The following CPNE4 variants were observed in gnomAD, a reference collection of about 807,000 sequenced individuals.
CPNE4 encodes the protein copine-4.
In CPNE4, 25 loss-of-function variants were observed where a neutral mutation model predicts 67.9. The observed-to-expected ratio is 0.37, with a 90% CI of 0.27 to 0.51. The LOEUF (loss-of-function observed/expected upper bound fraction) is 0.51. Ranked by LOEUF, CPNE4 falls within the 20% of genes least tolerant of loss-of-function variation. The probability of loss-of-function intolerance (pLI) is 0.93; values close to 1 mark genes in which losing one functional copy is unlikely to be tolerated. For synonymous variants in CPNE4, 242 were observed against 244.9 expected, an observed-to-expected ratio of 0.99 and a Z score of 0.11; for missense variants, 464 against 690.8, an observed-to-expected ratio of 0.67 and a Z score of 3.68.
At chr3:131,918,476 T>C (rs1251638544) in intron 1 of CPNE4, among the ~76,000 whole-genome samples, 3 of 152,132 alleles carry the variant, frequency 2.0e-5, no homozygotes, top group African/African-American at 7.2e-5. Context: ...CAAACAAATA[T>C]TTAGAAAAGA....
rs77645273 is a variant in CPNE4, at chr3:131,944,625, GA to G, written c.-1-39182del. ...CTCTCCCTACAGATGACTGCAAAAA[GA>G]AAAAAAAAGAGTCATTTCCAGTTTT... On this transcript the variant is annotated intron_variant, in intron 1 of 15. Transcript: ENST00000429747. Among the ~76,000 whole-genome samples the G allele has an allele frequency of 3.3e-5, 5 of 149,968 alleles. 1 individual carries two copies. In the South Asian group the frequency reaches 6.3e-4, roughly 19 times the overall value.
intron 2 of CPNE4, among the ~76,000 whole-genome samples, chr3:131,856,103 G>A (rs1209970429): frequency 6.6e-6 from 1 of 151,822 alleles, no homozygotes; most frequent in Non-Finnish European, 1.5e-5. Context: ...AGGAACTTCT[G>A]ATAATACAAT....
chr3:131,921,520 T>C (rs1242846770), intron 1 of CPNE4, among the ~76,000 whole-genome samples: 2 of 152,330 alleles, frequency 1.3e-5, no homozygotes, highest in East Asian at 3.9e-4. Context: ...AAATATTTAT[T>C]CAAGGAAGGA....
At chr3:131,754,148 A>AT (rs916965794) in intron 2 of CPNE4, among the ~76,000 whole-genome samples, 19 of 151,980 alleles carry the variant, frequency 1.3e-4, no homozygotes, top group Admixed American at 1.3e-4. Flanking sequence ...TTCATAAGGT[A>AT]TTTTTTTTAT....
chr3:131,774,166 T>A (rs1226369270), intron 2 of CPNE4, among the ~76,000 whole-genome samples: 1 of 152,138 alleles, frequency 6.6e-6, no homozygotes, highest in Non-Finnish European at 1.5e-5. Context: ...AGGGTCCTCA[T>A]AGAAGCTGGG....
At chr3:131,979,254 G>T (rs1462584620) in intron 1 of CPNE4, among the ~76,000 whole-genome samples, 1 of 152,056 alleles carries the variant, frequency 6.6e-6, no homozygotes, top group Non-Finnish European at 1.5e-5. Context: ...ACTTTGTCTT[G>T]ATGACATGTC....
rs2074273443 is a variant in CPNE4 at position 132,033,204 on chromosome 3, A to G, written c.-2+1363T>C. On this transcript the variant is annotated intron_variant, in intron 1 of 15. Transcript: ENST00000429747. Reference sequence around the variant, plus strand: ...AAGATAACATATTAAAGTATCTTGGACAGCTCAAAAGTGCTGTTCAGGAAA... The same window carrying G: ...AAGATAACATATTAAAGTATCTTGGGCAGCTCAAAAGTGCTGTTCAGGAAA... 2.6e-5 allele frequency among the ~76,000 whole-genome samples: 4 copies of G among 152,360 alleles called. No individual in the cohort carries two copies. The South Asian group carries it at 8.3e-4, about 32-fold the overall frequency.
intron 2 of CPNE4, among the ~76,000 whole-genome samples, chr3:131,779,223 A>T (rs1049904813): frequency 1.3e-5 from 2 of 152,168 alleles, no homozygotes; most frequent in African/African-American, 4.8e-5. Context: ...ACATTCATGG[A>T]TAGGAAGAAT....
chr3:131,892,660 T>C (rs1402759006), intron 2 of CPNE4, among the ~76,000 whole-genome samples: 1 of 152,116 alleles, frequency 6.6e-6, no homozygotes, highest in Non-Finnish European at 1.5e-5. Context: ...AATGGATTTT[T>C]TTAAAGGTAA....
At chr3:131,547,126 G>A (rs558799147) in intron 14 of CPNE4, among the ~76,000 whole-genome samples, 4 of 152,134 alleles carry the variant, frequency 2.6e-5, no homozygotes, top group South Asian at 2.1e-4. Context: ...CAGGGCCCAC[G>A]CACTGGTGGA....
chr3:131,566,450 G>C (rs924993345), intron 10 of CPNE4, among the ~76,000 whole-genome samples: 2 of 150,768 alleles, frequency 1.3e-5, no homozygotes, highest in African/African-American at 4.9e-5. Context: ...AAAAAAGTAA[G>C]ACCATAGGTG....
intron 2 of CPNE4, among the ~76,000 whole-genome samples, chr3:131,728,925 T>C (rs973584206): frequency 4.0e-5 from 5 of 124,900 alleles, no homozygotes; most frequent in African/African-American, 1.1e-4. Flanking sequence ...AAAAAAAAAA[T>C]TGGCTTGTGT....
chr3:131,720,690 C>T (rs114286047), intron 3 of CPNE4, among the ~76,000 whole-genome samples: 4,131 of 152,222 alleles, frequency 0.027, 194 homozygotes, highest in African/African-American at 0.095. Flanking sequence ...CATTACACTG[C>T]TCTCAGAATT....
At chr3:131,715,826 G>T (rs2081670591) in intron 3 of CPNE4, among the ~76,000 whole-genome samples, 1 of 152,230 alleles carries the variant, frequency 6.6e-6, no homozygotes, top group Non-Finnish European at 1.5e-5. Flanking sequence ...GTTCTAGGCA[G>T]TGAAGGATCA....
rs140425214 is a variant in CPNE4 at position 131,596,161 on chromosome 3, CAAAT to C, written c.682-8583_682-8580del. 5.2e-3 allele frequency among the ~76,000 whole-genome samples: 787 copies of C among 151,582 alleles called. 5 individuals carry two copies. The highest frequency in any genetic ancestry group is 8.9e-3 in the Admixed American group (136 of 15,258). ...GTGTTCTAACAAACAAACAAACAAA[CAAAT>C]AAATAAGTAAATTGATGCAAGGAAA... On this transcript the variant is annotated intron_variant, in intron 7 of 15. Coordinates refer to ENST00000429747, the MANE Select transcript of CPNE4 (RefSeq NM_130808.3).
At chr3:131,859,163 T>C (rs1004399874) in intron 2 of CPNE4, among the ~76,000 whole-genome samples, 3 of 152,176 alleles carry the variant, frequency 2.0e-5, no homozygotes, top group African/African-American at 4.8e-5. Context: ...AGAAAGTCCA[T>C]GCACTGCAGT....
At chr3:131,764,909 T>C (rs1220913048) in intron 2 of CPNE4, among the ~76,000 whole-genome samples, 1 of 152,062 alleles carries the variant, frequency 6.6e-6, no homozygotes, top group Non-Finnish European at 1.5e-5. Context: ...CTCCTGTCAA[T>C]GACCTGGGTG....
intron 2 of CPNE4, among the ~76,000 whole-genome samples, chr3:131,754,440 GGTGT>G (rs111316072): frequency 3.3e-5 from 5 of 151,226 alleles, no homozygotes; most frequent in African/African-American, 9.7e-5. Context: ...TATGTAAAAT[GGTGT>G]GTGTGTGTGT....
rs550150767 is a variant in CPNE4, at chr3:131,932,894, GC to G, written c.-1-27451del. ...TAATTAGCCAGGTGTGGTGGTGGGT[GC>G]CTGTAATCCCACCTACTCGGGAGGC... On this transcript the variant is annotated intron_variant, in intron 1 of 15. Coordinates refer to ENST00000429747, the MANE Select transcript of CPNE4 (RefSeq NM_130808.3). 1.5e-4 allele frequency among the ~76,000 whole-genome samples: 23 copies of G among 152,290 alleles called. No homozygotes were observed. In the South Asian group the frequency reaches 4.3e-3, roughly 29 times the overall value.
Sources: gnomAD v4.1 joint callset for allele counts (sites outside exome capture counted in the v4.1 genomes callset) on GRCh38, gnomAD v4.1.1 for gene constraint, MANE v1.5 for transcripts, NCBI Gene and HGNC (gene_info 2026-07-23, HGNC 2026-07-21) for gene names.